EIF2AK4: variants seen among roughly 807,000 people sequenced by gnomAD.
EIF2AK4 encodes eukaryotic translation initiation factor 2 alpha kinase 4, also known as eIF-2-alpha kinase GCN2.
In EIF2AK4, 139 loss-of-function variants were observed where a neutral mutation model predicts 211.1. The observed-to-expected ratio is 0.66, with a 90% CI of 0.57 to 0.76. The LOEUF (loss-of-function observed/expected upper bound fraction) is 0.76, where lower values mean the gene tolerates loss of function less well. Among genes scored for constraint, EIF2AK4 ranks in the 30% least tolerant of loss-of-function variants. EIF2AK4 has a pLI of 0.00. For synonymous variants in EIF2AK4, 710 were observed against 751.3 expected, an observed-to-expected ratio of 0.94 and a Z score of 0.90; for missense variants, 1,664 against 2,043.8, an observed-to-expected ratio of 0.81 and a Z score of 3.58.
intron 3 of EIF2AK4, among the ~76,000 whole-genome samples, chr15:39,944,480 A>G (rs535932694): frequency 3.5e-4 from 46 of 130,042 alleles, no homozygotes; most frequent in East Asian, 7.8e-4. Flanking sequence ...CACCCAGGCT[A>G]GAGTGCAATG....
intron 32 of EIF2AK4, among the ~76,000 whole-genome samples, chr15:40,025,240 T>C (rs1358193217): frequency 6.6e-6 from 1 of 152,226 alleles, no homozygotes; most frequent in Admixed American, 6.5e-5. Flanking sequence ...AAAATGGTTA[T>C]AGCTACATCA....
rs552676952 is a variant in EIF2AK4 at position 40,017,387 on chromosome 15, A to G, written c.4065+145A>G. On this transcript the variant is annotated intron_variant, in intron 29 of 38. Coordinates refer to ENST00000263791, the MANE Select transcript of EIF2AK4 (RefSeq NM_001013703.4). ...ATTAATATATGTTTCATCTAGGAATAGAAATATAATGTGAACCACATTTGT... is the reference window on the plus strand; with the variant it reads ...ATTAATATATGTTTCATCTAGGAATGGAAATATAATGTGAACCACATTTGT... The G allele has an allele frequency of 7.0e-6, 7 of 1,005,614 alleles. No individual in the cohort carries two copies. The African/African-American group carries it at 9.8e-5, about 14-fold the overall frequency. The allele number at this position is 1,005,614 out of a possible 1,614,324, so 62.3% of individuals were successfully genotyped here.
intron 7 of EIF2AK4, among the ~76,000 whole-genome samples, chr15:39,964,334 A>T (rs1341653010): frequency 2.6e-5 from 4 of 152,248 alleles, no homozygotes; most frequent in African/African-American, 4.8e-5. Context: ...GTATAGCATC[A>T]TGGAAAACTA....
chr15:39,941,370 A>G (rs147135897), intron 2 of EIF2AK4, among the ~76,000 whole-genome samples: 2 of 152,242 alleles, frequency 1.3e-5, no homozygotes, highest in African/African-American at 2.4e-5. Flanking sequence ...TAACTCCGGT[A>G]TGGTTGGAAG....
chr15:39,998,660 A>T, intron 19 of EIF2AK4, 71 bp from the exon 20 acceptor site: 1 of 1,209,518 alleles, frequency 8.3e-7, no homozygotes, highest in Non-Finnish European at 1.2e-6. Flanking sequence ...TGATTTTCTT[A>T]CTTATGGTGA....
At chr15:39,980,164 G>T (rs2034761507) in intron 13 of EIF2AK4, among the ~76,000 whole-genome samples, 1 of 152,130 alleles carries the variant, frequency 6.6e-6, no homozygotes, top group African/African-American at 2.4e-5. Context: ...ATGTACCCTA[G>T]AGTTGACATT....
chr15:39,998,278 T>TG (rs1378069436), intron 19 of EIF2AK4, among the ~76,000 whole-genome samples: 1 of 150,270 alleles, frequency 6.7e-6, no homozygotes. Flanking sequence ...TTGTTTTGTT[T>TG]TTTTTTGCCT....
chr15:39,992,954 C>T (rs886140947), intron 18 of EIF2AK4, 106 bp downstream of exon 18: 5 of 1,054,476 alleles, frequency 4.7e-6, no homozygotes, highest in Middle Eastern at 2.0e-4. Flanking sequence ...GACATCCACT[C>T]ATTCACACTC....
rs2034354537 is a variant in EIF2AK4, at chr15:39,953,904, C to G, written c.514C>G (p.Gln172Glu). 4 of 1,610,024 alleles carry G rather than the reference C, an allele frequency of 2.5e-6. No individual in the cohort carries two copies. The highest frequency in any genetic ancestry group is 3.4e-6 in the Non-Finnish European group (4 of 1,178,870). The change falls in exon 5 of 39, where the codon CAA becomes GAA. Residue 172 changes from glutamine to glutamate, a missense_variant and splice_region_variant. Coordinates refer to ENST00000263791, the MANE Select transcript of EIF2AK4 (RefSeq NM_001013703.4). ...TTGATGATGGTTTGATTTATTTCAG[C>G]AACGTGAAATCCTGCATGAGATTCA... ...LEAKRKEEQE[Q>E]REILHEIQRR... is the part of the protein sequence containing the mutation.
At position 39,986,696 on chromosome 15, in the gene EIF2AK4, A is replaced by G. The variant is rs557543162; in HGVS notation, c.2403+808A>G. On this transcript the variant is annotated intron_variant, in intron 14 of 38. Coordinates refer to ENST00000263791, the MANE Select transcript of EIF2AK4 (RefSeq NM_001013703.4). ...CAGTGAAACCCCGTTACTACTAAAA[A>G]TACAAAAAATTAGCCAGGCATGGTG... 3.1e-4 allele frequency among the ~76,000 whole-genome samples: 47 copies of G among 152,358 alleles called. 1 individual carries two copies. The Middle Eastern group carries it at 0.01, about 33-fold the overall frequency.
intron 5 of EIF2AK4, among the ~76,000 whole-genome samples, chr15:39,954,542 C>A (rs1038512073): frequency 6.6e-6 from 1 of 152,224 alleles, no homozygotes; most frequent in Non-Finnish European, 1.5e-5. Flanking sequence ...GCGTGAGCCA[C>A]TGCACCTGGC....
intron 12 of EIF2AK4, 196 bp downstream of exon 12, chr15:39,977,040 G>A (rs1010678111): frequency 5.3e-6 from 3 of 563,908 alleles, no homozygotes; most frequent in African/African-American, 2.0e-5. Context: ...TCCGCCTCCC[G>A]GGCCAGCGAA....
Position 40,001,152 on chromosome 15 carries a change from C to T in EIF2AK4, c.3087C>T (p.Thr1029=), listed in dbSNP as rs201912289. 75 of 1,614,040 alleles carry T rather than the reference C, an allele frequency of 4.6e-5. No individual in the cohort carries two copies. Among genetic ancestry groups the T allele is most frequent in the Non-Finnish European group, 5.9e-5 (70 of 1,180,038 alleles). Residue 1029 remains threonine, a synonymous_variant, in exon 21 of 39, where the codon ACC becomes ACT. Coordinates refer to ENST00000263791, the MANE Select transcript of EIF2AK4 (RefSeq NM_001013703.4). ...ACGTGGATGGGAAGGCCTACCGCACCATGATGGCCCAGATCTTCTCGCAGC... is the reference window on the plus strand; with the variant it reads ...ACGTGGATGGGAAGGCCTACCGCACTATGATGGCCCAGATCTTCTCGCAGC... The part of the protein sequence containing the change: ...LTNVDGKAYR[T]MMAQIFSQRI...
chr15:39,969,082 A>T (rs2034585039), intron 9 of EIF2AK4, among the ~76,000 whole-genome samples: 1 of 152,164 alleles, frequency 6.6e-6, no homozygotes, highest in Admixed American at 6.5e-5. Context: ...GACAAATATG[A>T]TGATAGAATC....
intron 30 of EIF2AK4, among the ~76,000 whole-genome samples, chr15:40,019,575 T>C (rs1726586446): frequency 6.6e-6 from 1 of 152,158 alleles, no homozygotes; most frequent in Non-Finnish European, 1.5e-5. Flanking sequence ...TATAGGAGCA[T>C]GAACCTTGTT....
intron 9 of EIF2AK4, among the ~76,000 whole-genome samples, chr15:39,972,425 C>T (rs1421996368): frequency 6.6e-6 from 1 of 152,024 alleles, no homozygotes; most frequent in Non-Finnish European, 1.5e-5. Flanking sequence ...AAAGCCTTCC[C>T]TAAATGTTTC....
Position 40,016,657 on chromosome 15 carries a change from C to T in EIF2AK4, c.3915C>T (p.Leu1305=), listed in dbSNP as rs200947863. The change falls in exon 28 of 39, where the codon CTC becomes CTT. Residue 1305 remains leucine (L), a synonymous_variant. Coordinates refer to ENST00000263791, the MANE Select transcript of EIF2AK4 (RefSeq NM_001013703.4). ...LEEVVGLLKK[L]GIKLQVLINL... The stretch of plus-strand genomic sequence containing the variant: ...AGGTTGTTGGACTGTTGAAGAAACT[C>T]GGCATCAAGTTACAGGTTTGGCAAC... The T allele has an allele frequency of 1.8e-5, 29 of 1,614,044 alleles. No homozygotes were observed. In the East Asian group the frequency reaches 3.3e-4, roughly 19 times the overall value.
chr15:39,977,159 A>ACAAAC, intron 12 of EIF2AK4: 1 of 281,266 alleles, frequency 3.6e-6, no homozygotes, highest in Non-Finnish European at 6.6e-6. Flanking sequence ...ACAAAACAAA[A>ACAAAC]CCACCACTTT....
rs199852759 is a variant in EIF2AK4 at position 40,023,837 on chromosome 15, C to CT, written c.4389+1239dup. ...CTGCTTATTTTGGATTTAGTTTATT[C>CT]TTTTTTTAGTTTCTTCAGGTAGAAC... On this transcript the variant is annotated intron_variant, in intron 32 of 38. Coordinates refer to ENST00000263791, the MANE Select transcript of EIF2AK4 (RefSeq NM_001013703.4). 2.3e-3 allele frequency among the ~76,000 whole-genome samples: 350 copies of CT among 152,188 alleles called. 4 individuals are homozygous for CT. The highest frequency in any genetic ancestry group is 0.018 in the Admixed American group (268 of 15,280).
Sources: allele counts gnomAD v4.1 joint callset (sites outside exome capture counted in the v4.1 genomes callset), GRCh38; gene constraint gnomAD v4.1.1; transcripts MANE v1.5; gene names NCBI Gene and HGNC (gene_info 2026-07-23, HGNC 2026-07-21).